Variants in MGAT4C observed in about 807,000 individuals in gnomAD.
MGAT4C encodes the protein MGAT4 family member C, also known as alpha-1,3-mannosyl-glycoprotein 4-beta-N-acetylglucosaminyltransferase C.
Under a neutral mutation model 40.1 loss-of-function variants are expected in MGAT4C, and 19 were observed. That is an observed-to-expected ratio of 0.47 (90% CI 0.33 to 0.70). MGAT4C has a LOEUF of 0.70. MGAT4C is among the 30% of genes least tolerant of loss of function. MGAT4C has a pLI of 0.02. For missense variants in MGAT4C, 491 were observed against 563.2 expected, an observed-to-expected ratio of 0.87 and a Z score of 1.30; for synonymous variants, 181 against 187.1, an observed-to-expected ratio of 0.97 and a Z score of 0.27.
rs1957343575 is a variant in MGAT4C, at chr12:86,446,679, A to ATG, written c.-228-11415_-228-11414insCA. Among the ~76,000 whole-genome samples, 9 of 119,488 alleles carry ATG rather than the reference A, an allele frequency of 7.5e-5. 1 individual carries two copies. The South Asian group carries it at 1.1e-3, about 15-fold the overall frequency. 78.4% of individuals were successfully genotyped at this position (119,488 alleles called of 152,430 possible). A position where few individuals can be genotyped will look rare whatever the true frequency, so the allele number is the denominator to read the frequency against. On this transcript the variant is annotated intron_variant, in intron 2 of 7. Coordinates refer to the MGAT4C transcript ENST00000548651. ...AACTCATATATATATATATATATATATATATATATATATATATATATATAT... is the reference window on the plus strand; with the variant it reads ...AACTCATATATATATATATATATATATGTATATATATATATATATATATATAT...
Position 86,307,694 on chromosome 12 carries a change from C to A in MGAT4C, c.-57+26371G>T, listed in dbSNP as rs142214313. On this transcript the variant is annotated intron_variant, in intron 4 of 7. Coordinates refer to the MGAT4C transcript ENST00000548651. ...GGGCTTGTTTGAGTACAATTTCTTTCTTTTATTTTATTTATTTATTTTTTT... is the reference window on the plus strand; with the variant it reads ...GGGCTTGTTTGAGTACAATTTCTTTATTTTATTTTATTTATTTATTTTTTT... Among the ~76,000 whole-genome samples the A allele has an allele frequency of 4.9e-3, 731 of 150,058 alleles. 75 individuals carry two copies. The highest frequency in any genetic ancestry group is 0.017 in the African/African-American group (674 of 39,696).
chr12:86,496,826 G>A (rs1592918862), intron 2 of MGAT4C, among the ~76,000 whole-genome samples: 1 of 152,074 alleles, frequency 6.6e-6, no homozygotes, highest in East Asian at 1.9e-4. Flanking sequence ...TATGAGTCAT[G>A]TAATTGCTCT....
intron 3 of MGAT4C, among the ~76,000 whole-genome samples, chr12:86,361,789 C>T (rs1198369391): frequency 2.6e-5 from 4 of 152,136 alleles, no homozygotes; most frequent in Non-Finnish European, 4.4e-5. Context: ...CAATGAGATA[C>T]CATCTCACAC....
intron 3 of MGAT4C, among the ~76,000 whole-genome samples, chr12:86,379,500 T>C (rs940909335): frequency 6.6e-6 from 1 of 152,120 alleles, no homozygotes; most frequent in Admixed American, 6.6e-5. Context: ...TGTTGCCACC[T>C]CTTTCTGGCA....
intron 2 of MGAT4C, among the ~76,000 whole-genome samples, chr12:86,538,888 T>A (rs377413601): frequency 6.6e-6 from 1 of 152,208 alleles, no homozygotes; most frequent in Non-Finnish European, 1.5e-5. Flanking sequence ...ATTACAGGCA[T>A]GAGCCACTGT....
At chr12:86,089,775 C>T (rs1872560948) in intron 1 of MGAT4C, among the ~76,000 whole-genome samples, 1 of 151,370 alleles carries the variant, frequency 6.6e-6, no homozygotes, top group Non-Finnish European at 1.5e-5. Context: ...TGTGTTTCTC[C>T]TTGGCAGATT....
rs1430237069 is a variant in MGAT4C at position 85,971,960 on chromosome 12, T to C, written c.*7329A>G. 1 of 151,230 alleles carries C rather than the reference T, an allele frequency of 6.6e-6. No homozygotes were observed. The highest frequency in any genetic ancestry group is 2.4e-5 in the African/African-American group (1 of 41,348). 9.4% of individuals were successfully genotyped at this position (151,230 alleles called of 1,614,324 possible). ...CAGGGTGAATGTGTCTTTTCTACTT[T>C]GACTATATTTACCATTGACTACAGT... On this transcript the variant is annotated 3_prime_UTR_variant, in exon 5 of 5. Transcript: ENST00000611864.
At chr12:86,199,694 A>G (rs1163178010) in intron 1 of MGAT4C, among the ~76,000 whole-genome samples, 2 of 152,162 alleles carry the variant, frequency 1.3e-5, no homozygotes, top group Non-Finnish European at 2.9e-5. Flanking sequence ...AATTATTAAT[A>G]CAATGAATGT....
At position 86,138,148 on chromosome 12, in the gene MGAT4C, G is replaced by A. The variant is rs181263556; in HGVS notation, c.-56-88425C>T. Among the ~76,000 whole-genome samples the A allele has an allele frequency of 3.0e-3, 458 of 152,000 alleles. 2 individuals are homozygous for A. Among genetic ancestry groups the A allele is most frequent in the Non-Finnish European group, 5.1e-3 (344 of 67,988 alleles). On this transcript the variant is annotated intron_variant, in intron 1 of 4. Transcript: ENST00000611864. ...CACTCTATCCTGTTTCCTTTATCCTGCTTGGCTCCTCTTCCTTGCTTTCCG... is the reference window on the plus strand; with the variant it reads ...CACTCTATCCTGTTTCCTTTATCCTACTTGGCTCCTCTTCCTTGCTTTCCG...
At position 86,806,930 on chromosome 12, in the gene MGAT4C, T is replaced by C. The variant is rs376533081; in HGVS notation, c.-262+31736A>G. Among the ~76,000 whole-genome samples the C allele has an allele frequency of 1.5e-4, 23 of 151,852 alleles. No homozygotes were observed. In the East Asian group the frequency reaches 2.7e-3, roughly 18 times the overall value. On this transcript the variant is annotated intron_variant, in intron 1 of 7. Coordinates refer to the MGAT4C transcript ENST00000548651. Reference sequence around the variant, plus strand: ...GAATAACGAGTTAATGGGTGCAGCATACCAACATGGCACACGTATACATAC... The same window carrying C: ...GAATAACGAGTTAATGGGTGCAGCACACCAACATGGCACACGTATACATAC...
intron 1 of MGAT4C, among the ~76,000 whole-genome samples, chr12:86,729,113 G>C (rs1950869024): frequency 6.6e-6 from 1 of 152,168 alleles, no homozygotes; most frequent in South Asian, 2.1e-4. Flanking sequence ...TTGATGTTCT[G>C]TGCAAATTTC....
intron 2 of MGAT4C, among the ~76,000 whole-genome samples, chr12:86,549,039 C>T (rs1382788468): frequency 6.6e-6 from 1 of 152,084 alleles, no homozygotes; most frequent in Non-Finnish European, 1.5e-5. Flanking sequence ...GCCTACTTCA[C>T]AGGGATTTTT....
intron 1 of MGAT4C, among the ~76,000 whole-genome samples, chr12:86,062,978 A>C (rs1894142492): frequency 6.6e-6 from 1 of 152,188 alleles, no homozygotes; most frequent in Admixed American, 6.5e-5. Flanking sequence ...GAACTTCCCC[A>C]ACCTAGCAAG....
intron 2 of MGAT4C, among the ~76,000 whole-genome samples, chr12:86,007,363 G>C (rs1172661636): frequency 1.3e-5 from 2 of 151,936 alleles, no homozygotes; most frequent in African/African-American, 2.4e-5. Context: ...AGCACAGTTA[G>C]AATAATTTAT....
At chr12:86,411,204 C>T (rs78838843) in intron 3 of MGAT4C, among the ~76,000 whole-genome samples, 10,248 of 152,104 alleles carry the variant, frequency 0.067, 560 homozygotes, top group Admixed American at 0.15. Flanking sequence ...TACCTTAAAA[C>T]GTGTAAGCAA....
intron 2 of MGAT4C, chr12:86,011,726 T>A: frequency 5.6e-6 from 3 of 536,540 alleles, no homozygotes; most frequent in Non-Finnish European, 7.2e-6. Flanking sequence ...AAAAAAAGTA[T>A]GTTAATATAA....
chr12:86,241,714 G>T (rs1435555969), intron 1 of MGAT4C, among the ~76,000 whole-genome samples: 1 of 152,174 alleles, frequency 6.6e-6, no homozygotes, highest in African/African-American at 2.4e-5. Context: ...TACTAGACCT[G>T]TTTGACTGCT....
At chr12:86,066,264 C>G (rs191947458) in intron 1 of MGAT4C, among the ~76,000 whole-genome samples, 1 of 151,980 alleles carries the variant, frequency 6.6e-6, no homozygotes, top group Non-Finnish European at 1.5e-5. Context: ...CAATCGTAAG[C>G]AAAAAGAACA....
rs116654735 is a variant in MGAT4C at position 85,984,388 on chromosome 12, G to A, written c.148-718C>T. Among the ~76,000 whole-genome samples the A allele has an allele frequency of 2.7e-3, 416 of 152,198 alleles. 3 individuals are homozygous for A. The highest frequency in any genetic ancestry group is 9.3e-3 in the African/African-American group (385 of 41,510). On this transcript the variant is annotated intron_variant, in intron 3 of 4. Transcript: ENST00000611864. Reference sequence around the variant, plus strand: ...ATGATAGTTAAGTTTGTGTGTGTGTGTGTGTGTGATTCTATTGGATGTAAT... The same window carrying A: ...ATGATAGTTAAGTTTGTGTGTGTGTATGTGTGTGATTCTATTGGATGTAAT...
Sources: gnomAD v4.1 joint callset for allele counts (sites outside exome capture counted in the v4.1 genomes callset) on GRCh38, gnomAD v4.1.1 for gene constraint, MANE v1.5 for transcripts, NCBI Gene and HGNC (gene_info 2026-07-23, HGNC 2026-07-21) for gene names.